Variants in SPAG16 observed in about 807,000 individuals in gnomAD.
The protein encoded by SPAG16 is sperm-associated antigen 16 protein.
SPAG16 carries 86 observed loss-of-function variants against 80.4 expected under a neutral mutation model. The ratio of observed to expected loss-of-function variants is 1.07; its 90% CI spans 0.90 to 1.28. SPAG16 has a LOEUF of 1.28. Ranked by LOEUF, SPAG16 falls within the 50% of genes most tolerant of loss-of-function variation. The pLI is 0.00. For synonymous variants in SPAG16, 294 were observed against 265.9 expected (o/e 1.11, Z -1.03); for missense variants, 870 against 765.3 (o/e 1.14, Z -1.61).
intron 10 of SPAG16, among the ~76,000 whole-genome samples, chr2:213,767,222 A>G (rs1575080420): frequency 6.6e-6 from 1 of 152,182 alleles, no homozygotes; most frequent in Non-Finnish European, 1.5e-5. Context: ...AACACGCATT[A>G]TATGTTCTAT....
rs79571856 is a variant in SPAG16, at chr2:213,664,065, G to T, written c.1070+173975G>T. ...TTCTGGAGACTCTACAGGAGAATTA[G>T]ATTTTTTGCCTTTAAGTTTTTAGAA... On this transcript the variant is annotated intron_variant, in intron 10 of 15. Coordinates refer to ENST00000331683, the MANE Select transcript of SPAG16 (RefSeq NM_024532.5). Among the ~76,000 whole-genome samples, 1,091 of 152,156 alleles carry T rather than the reference G, an allele frequency of 7.2e-3. 14 individuals carry two copies. Among genetic ancestry groups the T allele is most frequent in the African/African-American group, 0.025 (1,043 of 41,556 alleles).
At chr2:213,639,390 G>A (rs142893500) in intron 10 of SPAG16, among the ~76,000 whole-genome samples, 1 of 152,154 alleles carries the variant, frequency 6.6e-6, no homozygotes, top group Non-Finnish European at 1.5e-5. Flanking sequence ...TTGAGGATTT[G>A]TTTCAAGATT....
At chr2:213,566,863 A>G (rs1405844046) in intron 10 of SPAG16, among the ~76,000 whole-genome samples, 2 of 152,212 alleles carry the variant, frequency 1.3e-5, no homozygotes, top group South Asian at 2.1e-4. Flanking sequence ...ACACACTGTT[A>G]TATTTTAATA....
intron 12 of SPAG16, among the ~76,000 whole-genome samples, chr2:213,940,721 A>G (rs2079164425): frequency 6.6e-6 from 1 of 152,206 alleles, no homozygotes; most frequent in South Asian, 2.1e-4. Context: ...TAAATTATGT[A>G]TCTGCACCCC....
chr2:213,360,557 C>T lies in SPAG16; in HGVS notation c.763-3519C>T, dbSNP rs138160747. 2.6e-5 allele frequency among the ~76,000 whole-genome samples: 4 copies of T among 152,344 alleles called. No homozygotes were observed. The East Asian group carries it at 7.7e-4, about 29-fold the overall frequency. ...CTTGTGGAACAAGTCAAGGTTACCACTTAAAGAATGGAAACTGTTTGTGTA... is the reference window on the plus strand; with the variant it reads ...CTTGTGGAACAAGTCAAGGTTACCATTTAAAGAATGGAAACTGTTTGTGTA... On this transcript the variant is annotated intron_variant, in intron 7 of 15. Transcript: ENST00000331683.
intron 10 of SPAG16, among the ~76,000 whole-genome samples, chr2:213,527,028 C>T (rs952206621): frequency 1.3e-5 from 2 of 152,210 alleles, no homozygotes; most frequent in African/African-American, 4.8e-5. Context: ...AAATCAATTT[C>T]AGCTAACCTC....
intron 15 of SPAG16, among the ~76,000 whole-genome samples, chr2:214,205,735 CATA>C (rs749726977): frequency 2.6e-5 from 4 of 152,046 alleles, no homozygotes; most frequent in Non-Finnish European, 5.9e-5. Context: ...CTTATTGATC[CATA>C]ATATACCTAT....
chr2:213,763,095 CAT>C (rs1418791819), intron 10 of SPAG16, among the ~76,000 whole-genome samples: 1 of 152,102 alleles, frequency 6.6e-6, no homozygotes, highest in African/African-American at 2.4e-5. Flanking sequence ...TCACCTCACA[CAT>C]GTTAGGATGG....
chr2:214,311,508 C>CTGTT (rs1178279333), intron 15 of SPAG16: 1 of 152,246 alleles, frequency 6.6e-6, no homozygotes, highest in African/African-American at 2.4e-5. Context: ...GACAGTTTGG[C>CTGTT]TGTTAGTAGT....
intron 13 of SPAG16, among the ~76,000 whole-genome samples, chr2:214,022,317 G>A (rs1338731104): frequency 6.6e-6 from 1 of 151,934 alleles, no homozygotes; most frequent in African/African-American, 2.4e-5. Flanking sequence ...AGACCATATA[G>A]CACGATAGGA....
Position 214,010,134 on chromosome 2 carries a change from G to A in SPAG16, c.1401-3817G>A, listed in dbSNP as rs76476440. Among the ~76,000 whole-genome samples the A allele has an allele frequency of 9.4e-3, 1,373 of 145,874 alleles. 241 individuals carry two copies. Among genetic ancestry groups the A allele is most frequent in the African/African-American group, 0.036 (1,325 of 36,960 alleles). On this transcript the variant is annotated intron_variant, in intron 12 of 15. Transcript: ENST00000331683. The stretch of plus-strand genomic sequence containing the variant: ...AATATTTTATTATGATTTGTAAGAT[G>A]ATAGATGCAAATAAAAAGCAGACTG...
rs542168147 is a variant in SPAG16, at chr2:213,737,660, T to C, written c.1071-124825T>C. Among the ~76,000 whole-genome samples, 21 of 152,196 alleles carry C rather than the reference T, an allele frequency of 1.4e-4. 1 individual carries two copies. In the Middle Eastern group the frequency reaches 0.01, roughly 74 times the overall value. ...CCGCCACCACGCCCGGCTAATTTTT[T>C]TGTATTTTTAGTAGAGACGGGGTTT... On this transcript the variant is annotated intron_variant, in intron 10 of 15. Coordinates refer to ENST00000331683, the MANE Select transcript of SPAG16 (RefSeq NM_024532.5).
chr2:213,862,655 G>C, intron 11 of SPAG16, 27 bp downstream of exon 11: 2 of 1,612,354 alleles, frequency 1.2e-6, no homozygotes, highest in South Asian at 2.2e-5. Flanking sequence ...CCTAGAAATA[G>C]CCTAATCTCT....
At chr2:213,964,201 G>A (rs985677883) in intron 12 of SPAG16, among the ~76,000 whole-genome samples, 4 of 151,798 alleles carry the variant, frequency 2.6e-5, no homozygotes, top group Middle Eastern at 3.4e-3. Flanking sequence ...AAAATTGATG[G>A]TATATACATG....
intron 10 of SPAG16, among the ~76,000 whole-genome samples, chr2:213,743,205 A>G (rs754293582): frequency 3.3e-5 from 5 of 152,128 alleles, no homozygotes; most frequent in Admixed American, 6.5e-5. Flanking sequence ...GCCCGGCTGT[A>G]TTGTTGTTTT....
intron 15 of SPAG16, among the ~76,000 whole-genome samples, chr2:214,395,191 G>C (rs1701297069): frequency 6.6e-6 from 1 of 152,116 alleles, no homozygotes; most frequent in Non-Finnish European, 1.5e-5. Context: ...TTTTTATGTG[G>C]ACATAAGTTT....
intron 9 of SPAG16, among the ~76,000 whole-genome samples, chr2:213,438,052 T>C: frequency 6.6e-6 from 1 of 152,226 alleles, no homozygotes; most frequent in South Asian, 2.1e-4. Flanking sequence ...GTTCAGGCAG[T>C]GTTGCTTACT....
intron 10 of SPAG16, among the ~76,000 whole-genome samples, chr2:213,612,691 T>G (rs2061475000): frequency 6.6e-6 from 1 of 152,150 alleles, no homozygotes; most frequent in African/African-American, 2.4e-5. Flanking sequence ...TAAAATAATT[T>G]TTTTTGAGAC....
intron 10 of SPAG16, among the ~76,000 whole-genome samples, chr2:213,790,729 G>C (rs1284865094): frequency 6.6e-6 from 1 of 151,984 alleles, no homozygotes; most frequent in Non-Finnish European, 1.5e-5. Flanking sequence ...GTGTGTATAT[G>C]CATAGAGGTA....
Sources: gnomAD v4.1 joint callset for allele counts (sites outside exome capture counted in the v4.1 genomes callset) on GRCh38, gnomAD v4.1.1 for gene constraint, MANE v1.5 for transcripts, NCBI Gene and HGNC (gene_info 2026-07-23, HGNC 2026-07-21) for gene names.